CREBBP: variants seen among roughly 807,000 people sequenced by gnomAD.
CREBBP encodes the protein CREB binding lysine acetyltransferase, also known as CREB-binding protein.
CREBBP carries 19 observed loss-of-function variants against 265.0 expected under a neutral mutation model. That is an observed-to-expected ratio of 0.07 (90% CI 0.05 to 0.11). The LOEUF is 0.11. CREBBP is among the 10% of genes least tolerant of loss of function. CREBBP has a pLI of 1.00. For missense variants in CREBBP, 2,525 were observed against 3,219.0 expected, an observed-to-expected ratio of 0.78 and a Z score of 5.22; for synonymous variants, 1,457 against 1,223.7, an observed-to-expected ratio of 1.19 and a Z score of -3.98.
chr16:3,767,667 T>A (rs192235468), intron 16 of CREBBP, 53 bp downstream of exon 16: 1 of 1,611,674 alleles, frequency 6.2e-7, no homozygotes, highest in Non-Finnish European at 8.5e-7. Flanking sequence ...CATGGAATCC[T>A]AACACCGTGG....
intron 2 of CREBBP, among the ~76,000 whole-genome samples, chr16:3,813,940 A>C (rs2053985208): frequency 6.6e-6 from 1 of 152,256 alleles, no homozygotes. Context: ...CCAAATGCCC[A>C]GGCACCCTGG....
chr16:3,832,456 G>A (rs528744334), intron 2 of CREBBP, among the ~76,000 whole-genome samples: 1 of 152,294 alleles, frequency 6.6e-6, no homozygotes, highest in South Asian at 2.1e-4. Context: ...TCTGAGAAAA[G>A]TGTCATTAGG....
chr16:3,836,913 G>A (rs1356343393), intron 2 of CREBBP, among the ~76,000 whole-genome samples: 1 of 152,210 alleles, frequency 6.6e-6, no homozygotes, highest in Non-Finnish European at 1.5e-5. Context: ...TCAGGTGTCT[G>A]TGATGCTGCT....
intron 19 of CREBBP, among the ~76,000 whole-genome samples, chr16:3,755,678 C>T (rs1429542441): frequency 6.6e-6 from 1 of 152,134 alleles, no homozygotes; most frequent in Non-Finnish European, 1.5e-5. Context: ...CAGCAAGTCA[C>T]TATGGGAGAG....
chr16:3,766,592 C>A (rs1048551464), intron 16 of CREBBP, among the ~76,000 whole-genome samples: 1 of 151,334 alleles, frequency 6.6e-6, no homozygotes, highest in African/African-American at 2.4e-5. Flanking sequence ...GTGATGTGAT[C>A]TGGGCTCACT....
chr16:3,767,532 A>C, intron 16 of CREBBP, 188 bp downstream of exon 16: 1 of 732,984 alleles, frequency 1.4e-6, no homozygotes, highest in Non-Finnish European at 2.2e-6. Context: ...CATGAGCCCC[A>C]CAGGCACAGG....
chr16:3,871,163 C>T (rs1379303677), intron 1 of CREBBP, among the ~76,000 whole-genome samples: 1 of 149,714 alleles, frequency 6.7e-6, no homozygotes, highest in African/African-American at 2.5e-5. Context: ...GGTAAAAAGC[C>T]CCTTTTAGAG....
At chr16:3,838,556 C>G (rs1055094179) in intron 2 of CREBBP, among the ~76,000 whole-genome samples, 1 of 152,026 alleles carries the variant, frequency 6.6e-6, no homozygotes, top group Non-Finnish European at 1.5e-5. Flanking sequence ...AAATACTACT[C>G]CAACTTTGAC....
At chr16:3,828,896 C>G (rs2054289885) in intron 2 of CREBBP, among the ~76,000 whole-genome samples, 1 of 152,168 alleles carries the variant, frequency 6.6e-6, no homozygotes, top group African/African-American at 2.4e-5. Context: ...ATCATGTTTG[C>G]AAAGCACCCA....
rs2051721617 is a variant in CREBBP, at chr16:3,725,600, G to C, written c.*2118C>G. ...CCTGTGCTTCCCCTCCTGGGATGGGGTGAATGGGGGCTGGTCAGGGGTGCC... is the reference window on the plus strand; with the variant it reads ...CCTGTGCTTCCCCTCCTGGGATGGGCTGAATGGGGGCTGGTCAGGGGTGCC... On this transcript the variant is annotated 3_prime_UTR_variant, in exon 31 of 31. Coordinates refer to ENST00000262367, the MANE Select transcript of CREBBP (RefSeq NM_004380.3). 4.3e-6 allele frequency: 1 copy of C among 233,260 alleles called. No individual in the cohort carries two copies. The highest frequency in any genetic ancestry group is 2.2e-5 in the African/African-American group (1 of 45,362). The allele number at this position is 233,260 out of a possible 1,614,324, so 14.4% of individuals were successfully genotyped here.
intron 6 of CREBBP, among the ~76,000 whole-genome samples, chr16:3,782,373 C>T (rs1257333931): frequency 1.3e-5 from 2 of 152,192 alleles, no homozygotes; most frequent in Non-Finnish European, 2.9e-5. Context: ...CAGCATGAGG[C>T]GTCCAGTCAG....
At position 3,729,018 on chromosome 16, in the gene CREBBP, C is replaced by A. The variant is rs766553839; in HGVS notation, c.6029G>T (p.Gly2010Val). The A allele has an allele frequency of 1.3e-5, 21 of 1,591,506 alleles. No homozygotes were observed. Among genetic ancestry groups the A allele is most frequent in the Non-Finnish European group, 1.6e-5 (19 of 1,174,522 alleles). ...LNVPRPNQVS[G>V]PVMPSMPPGQ... The stretch of plus-strand genomic sequence containing the variant: ...GGGAGGCATGCTGGGCATGACGGGC[C>A]CGCTCACCTGGTTGGGTCGGGGCAC... The change falls in exon 31 of 31, where the codon GGG (glycine) becomes GTG (valine). Residue 2010 changes from glycine to valine, a missense_variant. This residue lies in a region of CREBBP where 275 missense variants were observed against 276.5 expected (regional missense o/e 0.99). Transcript: ENST00000262367.
In CREBBP at chr16:3,739,603, A is replaced by T. The variant is rs2151336701; in HGVS notation, c.4255T>A (p.Ser1419Thr). Reference protein sequence around the residue: ...FFGMHVQEYGSDCPPPNTRRV... With the variant: ...FFGMHVQEYGTDCPPPNTRRV... ...CTCGTGTTTGGAGGGGGGCAATCAG[A>T]GCCGTATTCTTGGACGTGCATTCCA... The change falls in exon 25 of 31, where the codon TCT (serine) becomes ACT (threonine). Residue 1419 changes from serine to threonine, a missense_variant. Ser to Thr is a moderately conservative substitution (Grantham distance 58). This residue lies in a region of CREBBP where 252 missense variants were observed against 452.5 expected (regional missense o/e 0.56). Transcript: ENST00000262367. 6.2e-7 allele frequency: 1 copy of T among 1,614,238 alleles called. No individual in the cohort carries two copies.
At chr16:3,877,507 A>G (rs993631618) in intron 1 of CREBBP, among the ~76,000 whole-genome samples, 1 of 152,128 alleles carries the variant, frequency 6.6e-6, no homozygotes, top group African/African-American at 2.4e-5. Flanking sequence ...AGTTCAAGCA[A>G]TTGTCATGCC....
At chr16:3,795,381 T>C (rs1370650254) in intron 3 of CREBBP, among the ~76,000 whole-genome samples, 2 of 152,208 alleles carry the variant, frequency 1.3e-5, no homozygotes, top group South Asian at 2.1e-4. Context: ...TAGGTTTTTT[T>C]CCCTTCTTTT....
intron 2 of CREBBP, among the ~76,000 whole-genome samples, chr16:3,828,726 T>A (rs1013910534): frequency 2.0e-5 from 3 of 152,192 alleles, no homozygotes; most frequent in African/African-American, 7.2e-5. Context: ...TTGGAGTCAA[T>A]CACAGGTGGA....
At chr16:3,818,701 G>GACACGCCTCAAGCCACAAT (rs2054086417) in intron 2 of CREBBP, among the ~76,000 whole-genome samples, 1 of 152,140 alleles carries the variant, frequency 6.6e-6, no homozygotes, top group African/African-American at 2.4e-5. Flanking sequence ...CACACCTCAA[G>GACACGCCTCAAGCCACAAT]ACACGCCTCA....
chr16:3,745,266 A>G lies in CREBBP; in HGVS notation c.3914+11T>C. 1.2e-6 allele frequency: 2 copies of G among 1,612,476 alleles called. No individual in the cohort carries two copies. The highest frequency in any genetic ancestry group is 4.5e-5 in the East Asian group (2 of 44,828). Reference sequence around the variant, plus strand: ...GCAGAACTGCCCTCCAGGCCAGGGGAAACAACTCACCCTGAAGGCCAAATG... The same window carrying G: ...GCAGAACTGCCCTCCAGGCCAGGGGGAACAACTCACCCTGAAGGCCAAATG... On this transcript the variant is annotated intron_variant, in intron 22 of 30. Transcript: ENST00000262367.
At chr16:3,819,541 T>C (rs768960629) in intron 2 of CREBBP, among the ~76,000 whole-genome samples, 7 of 152,138 alleles carry the variant, frequency 4.6e-5, no homozygotes, top group Non-Finnish European at 8.8e-5. Context: ...TGTAGGACGA[T>C]AGGGAGAGGC....
Sources: allele counts gnomAD v4.1 joint callset (sites outside exome capture counted in the v4.1 genomes callset), GRCh38; gene constraint gnomAD v4.1.1; regional missense constraint gnomAD v4.1.1; transcripts MANE v1.5; gene names NCBI Gene and HGNC (gene_info 2026-07-23, HGNC 2026-07-21).